Variants in ACVR1C observed in about 807,000 individuals in gnomAD.
ACVR1C encodes activin receptor type-1C.
In ACVR1C, 23 loss-of-function variants were observed where a neutral mutation model predicts 57.9. That is an observed-to-expected ratio of 0.40 (90% CI 0.29 to 0.56). The LOEUF is 0.56. Among genes scored for constraint, ACVR1C ranks in the 20% least tolerant of loss-of-function variants. The pLI, the probability that ACVR1C is intolerant of heterozygous loss-of-function variation, is 0.50. For missense variants in ACVR1C, 480 were observed against 607.9 expected (o/e 0.79, Z 2.21); for synonymous variants, 214 against 215.3 (o/e 0.99, Z 0.05).
intron 1 of ACVR1C, among the ~76,000 whole-genome samples, chr2:157,591,567 G>A (rs971209927): frequency 6.6e-6 from 1 of 151,918 alleles, no homozygotes; most frequent in Non-Finnish European, 1.5e-5. Context: ...TTCTTCACTT[G>A]CATATTTTAA....
intron 3 of ACVR1C, among the ~76,000 whole-genome samples, chr2:157,555,232 C>A (rs1213494522): frequency 1.3e-5 from 2 of 150,118 alleles, no homozygotes; most frequent in Non-Finnish European, 3.0e-5. Context: ...CATTCTCCTG[C>A]CTCAGCCTCC....
In ACVR1C at chr2:157,531,058, A is replaced by C. The variant is rs1687339677; in HGVS notation, c.*2860T>G. 1 of 151,194 alleles carries C rather than the reference A, an allele frequency of 6.6e-6. No individual in the cohort carries two copies. The highest frequency in any genetic ancestry group is 1.5e-5 in the Non-Finnish European group (1 of 67,898). The allele number at this position is 151,194 out of a possible 1,614,324, so 9.4% of individuals were successfully genotyped here. A position where few individuals can be genotyped will look rare whatever the true frequency, so the allele number is the denominator to read the frequency against. ...AAAGAACACTGATACTCTGAACATA[A>C]CCTAAGGAGAATTTTTTTTTTTTTT... On this transcript the variant is annotated 3_prime_UTR_variant, in exon 9 of 9. Transcript: ENST00000243349.
intron 1 of ACVR1C, among the ~76,000 whole-genome samples, chr2:157,588,858 T>TATATATATATAC (rs1342339828): frequency 2.4e-4 from 32 of 135,980 alleles, no homozygotes; most frequent in Non-Finnish European, 4.6e-4. Flanking sequence ...CATATATATA[T>TATATATATATAC]ATATATATAT....
intron 1 of ACVR1C, among the ~76,000 whole-genome samples, chr2:157,587,726 A>G (rs1688959089): frequency 6.6e-6 from 1 of 152,060 alleles, no homozygotes; most frequent in African/African-American, 2.4e-5. Flanking sequence ...TCCTAAATCA[A>G]TAGCTCCTAG....
At chr2:157,591,040 A>G (rs1408771082) in intron 1 of ACVR1C, among the ~76,000 whole-genome samples, 1 of 152,058 alleles carries the variant, frequency 6.6e-6, no homozygotes, top group African/African-American at 2.4e-5. Flanking sequence ...CTTAGGGACT[A>G]TCTCTCCTAC....
At chr2:157,554,272 G>GAAAGGAAGAAAGA (rs1491411690) in intron 3 of ACVR1C, among the ~76,000 whole-genome samples, 2 of 47,594 alleles carry the variant, frequency 4.2e-5, no homozygotes, top group East Asian at 8.8e-4. Flanking sequence ...AGAAAGAAAG[G>GAAAGGAAGAAAGA]AAGGAAGGAA....
chr2:157,605,253 T>A (rs1682366301), intron 1 of ACVR1C, among the ~76,000 whole-genome samples: 3 of 151,766 alleles, frequency 2.0e-5, no homozygotes, highest in African/African-American at 7.2e-5. Context: ...AATGTGCCTC[T>A]CCTTTTGTCA....
intron 2 of ACVR1C, among the ~76,000 whole-genome samples, chr2:157,562,410 C>G (rs1364155315): frequency 6.9e-6 from 1 of 144,552 alleles, no homozygotes; most frequent in Non-Finnish European, 1.5e-5. Context: ...CTGAATAGAC[C>G]AATAACAAGT....
chr2:157,556,903 T>C lies in ACVR1C; in HGVS notation c.305-571A>G, dbSNP rs182109761. 3.5e-4 allele frequency among the ~76,000 whole-genome samples: 54 copies of C among 152,200 alleles called. No homozygotes were observed. The Middle Eastern group carries it at 0.024, about 67-fold the overall frequency. Reference sequence around the variant, plus strand: ...GTCTCAAACCCCTGACCTCAGGTGATCCACCCACCTCAGCCTCCCAAAGTG... The same window carrying C: ...GTCTCAAACCCCTGACCTCAGGTGACCCACCCACCTCAGCCTCCCAAAGTG... On this transcript the variant is annotated intron_variant, in intron 2 of 8. Coordinates refer to ENST00000243349, the MANE Select transcript of ACVR1C (RefSeq NM_145259.3).
At chr2:157,626,048 A>G (rs764172339) in intron 1 of ACVR1C, among the ~76,000 whole-genome samples, 1 of 152,132 alleles carries the variant, frequency 6.6e-6, no homozygotes, top group Non-Finnish European at 1.5e-5. Context: ...GCTCACTGCA[A>G]TCTTGAACTC....
At chr2:157,624,759 C>G (rs1682863883) in intron 1 of ACVR1C, among the ~76,000 whole-genome samples, 1 of 152,144 alleles carries the variant, frequency 6.6e-6, no homozygotes, top group Non-Finnish European at 1.5e-5. Flanking sequence ...TAGGTCTTCA[C>G]TTCTCTTTTT....
In ACVR1C at chr2:157,532,027, T is replaced by C. The variant is rs968933760; in HGVS notation, c.*1891A>G. On this transcript the variant is annotated 3_prime_UTR_variant, in exon 9 of 9. Transcript: ENST00000243349. ...CAAGCAAGATATGGGTGCTCTATGATTATTTAATAAGTGGATGAGAGCATT... is the reference window on the plus strand; with the variant it reads ...CAAGCAAGATATGGGTGCTCTATGACTATTTAATAAGTGGATGAGAGCATT... 2 of 152,120 alleles carry C rather than the reference T, an allele frequency of 1.3e-5. No homozygotes were observed. The highest frequency in any genetic ancestry group is 2.9e-5 in the Non-Finnish European group (2 of 68,006). 9.4% of individuals were successfully genotyped at this position (152,120 alleles called of 1,614,324 possible).
At chr2:157,581,966 G>T (rs1018949452) in intron 2 of ACVR1C, among the ~76,000 whole-genome samples, 3 of 152,112 alleles carry the variant, frequency 2.0e-5, no homozygotes, top group Non-Finnish European at 4.4e-5. Context: ...TGGAGTTGTT[G>T]GCACTAGCTT....
At position 157,587,040 on chromosome 2, in the gene ACVR1C, T is replaced by C. The variant is rs185603240; in HGVS notation, c.304+147A>G. The C allele has an allele frequency of 3.3e-3, 2,352 of 711,172 alleles. 9 individuals are homozygous for C. The highest frequency in any genetic ancestry group is 6.5e-3 in the Admixed American group (208 of 31,906). 44.1% of individuals were successfully genotyped at this position (711,172 alleles called of 1,614,324 possible). On this transcript the variant is annotated intron_variant, in intron 2 of 8. Transcript: ENST00000243349. ...TAAAAACTCAACCTCAGCTAGACTC[T>C]AGAGAATTTTACCAGCCAAAATCAA...
intron 1 of ACVR1C, among the ~76,000 whole-genome samples, chr2:157,624,071 T>C (rs1682845117): frequency 1.3e-5 from 2 of 152,232 alleles, no homozygotes; most frequent in South Asian, 4.1e-4. Flanking sequence ...CTGAGCTTTT[T>C]AATGATCCAT....
At chr2:157,606,913 T>C (rs1310711255) in intron 1 of ACVR1C, among the ~76,000 whole-genome samples, 3 of 151,822 alleles carry the variant, frequency 2.0e-5, no homozygotes, top group African/African-American at 7.2e-5. Flanking sequence ...GTGTTTCCCC[T>C]GTGTTTTCTT....
chr2:157,562,285 C>T (rs1276226157), intron 2 of ACVR1C, among the ~76,000 whole-genome samples: 2 of 121,644 alleles, frequency 1.6e-5, no homozygotes, highest in African/African-American at 3.3e-5. Context: ...CAGAGCAAGA[C>T]ACCGTCTCAA....
intron 7 of ACVR1C, 71 bp downstream of exon 7, chr2:157,541,019 G>A (rs758198195): frequency 6.6e-7 from 1 of 1,518,338 alleles, no homozygotes; most frequent in Non-Finnish European, 8.9e-7. Context: ...AGGGGAAAAA[G>A]ATAGAATATC....
chr2:157,613,510 G>T (rs1268665018), intron 1 of ACVR1C, among the ~76,000 whole-genome samples: 1 of 152,066 alleles, frequency 6.6e-6, no homozygotes, highest in East Asian at 1.9e-4. Flanking sequence ...GAAACCCACA[G>T]ATATGGAGGG....
Sources: gnomAD v4.1 joint callset for allele counts (sites outside exome capture counted in the v4.1 genomes callset) on GRCh38, gnomAD v4.1.1 for gene constraint, MANE v1.5 for transcripts, NCBI Gene and HGNC (gene_info 2026-07-23, HGNC 2026-07-21) for gene names.